Variants in RTN3 observed in about 807,000 individuals in gnomAD.
RTN3 encodes reticulon 3.
RTN3 carries 49 observed loss-of-function variants against 77.8 expected under a neutral mutation model. That is an observed-to-expected ratio of 0.63 (90% CI 0.50 to 0.80). RTN3 has a LOEUF of 0.80. RTN3 is among the 30% of genes least tolerant of loss of function. The pLI is 0.00. For synonymous variants in RTN3, 464 were observed against 446.9 expected, an observed-to-expected ratio of 1.04 and a Z score of -0.48; for missense variants, 1,236 against 1,211.9, an observed-to-expected ratio of 1.02 and a Z score of -0.29.
chr11:63,691,824 C>G (rs1214449424), intron 1 of RTN3, among the ~76,000 whole-genome samples: 1 of 152,180 alleles, frequency 6.6e-6, no homozygotes, highest in African/African-American at 2.4e-5. Context: ...TCTGGTCTCC[C>G]TGCTTTCTCC....
chr11:63,710,822 TGAA>T (rs1198780325), intron 2 of RTN3, among the ~76,000 whole-genome samples: 1 of 152,186 alleles, frequency 6.6e-6, no homozygotes, highest in African/African-American at 2.4e-5. Context: ...ATAAAGCCCA[TGAA>T]GAACTAGTAG....
intron 1 of RTN3, 80 bp downstream of exon 1, chr11:63,681,858 G>C (rs1590759965): frequency 1.5e-5 from 21 of 1,397,144 alleles, no homozygotes; most frequent in Non-Finnish European, 1.9e-5. Flanking sequence ...GAGGCGAGGC[G>C]GGAGGAGGAC....
chr11:63,689,116 A>T (rs912063263), intron 1 of RTN3, among the ~76,000 whole-genome samples: 1 of 152,200 alleles, frequency 6.6e-6, no homozygotes. Context: ...AAAGTATACA[A>T]ACTTGTGAAA....
intron 7 of RTN3, among the ~76,000 whole-genome samples, chr11:63,754,855 G>A (rs908352999): frequency 6.6e-6 from 1 of 150,962 alleles, no homozygotes; most frequent in Non-Finnish European, 1.5e-5. Context: ...ATGAACCTGG[G>A]AGGTGGAGCT....
chr11:63,695,244 T>C (rs963424200), intron 1 of RTN3, among the ~76,000 whole-genome samples: 10 of 152,240 alleles, frequency 6.6e-5, no homozygotes, highest in African/African-American at 1.9e-4. Flanking sequence ...ATAAATAAAT[T>C]GAATTTATTT....
chr11:63,689,114 C>T (rs1023742336), intron 1 of RTN3, among the ~76,000 whole-genome samples: 1 of 152,126 alleles, frequency 6.6e-6, no homozygotes, highest in Non-Finnish European at 1.5e-5. Context: ...CTAAAGTATA[C>T]AAACTTGTGA....
intron 1 of RTN3, among the ~76,000 whole-genome samples, chr11:63,700,099 A>T (rs1269069498): frequency 6.6e-6 from 1 of 152,146 alleles, no homozygotes; most frequent in African/African-American, 2.4e-5. Context: ...TGTTAGGTGA[A>T]GGTGAAAAGG....
chr11:63,716,810 AAAAATAAAATT>A (rs2011425039), intron 2 of RTN3, among the ~76,000 whole-genome samples: 3 of 152,062 alleles, frequency 2.0e-5, no homozygotes, highest in African/African-American at 7.2e-5. Flanking sequence ...CTAAAAATAC[AAAAATAAAATT>A]AGCCAGGCGT....
chr11:63,748,629 C>T (rs1191974469), intron 3 of RTN3, among the ~76,000 whole-genome samples: 5 of 140,010 alleles, frequency 3.6e-5, no homozygotes, highest in Admixed American at 7.5e-5. Context: ...AGATTACAGG[C>T]GTGAGCCCCT....
At chr11:63,689,277 T>G (rs1387723801) in intron 1 of RTN3, among the ~76,000 whole-genome samples, 1 of 152,234 alleles carries the variant, frequency 6.6e-6, no homozygotes, top group East Asian at 1.9e-4. Context: ...TTCTTATAAT[T>G]GACTTATTCA....
At chr11:63,742,276 G>A (rs2013531935) in intron 3 of RTN3, among the ~76,000 whole-genome samples, 1 of 151,284 alleles carries the variant, frequency 6.6e-6, no homozygotes, top group Non-Finnish European at 1.5e-5. Flanking sequence ...ACCGCGCCTT[G>A]CCTGGCTCTT....
At chr11:63,689,361 G>T (rs1012609908) in intron 1 of RTN3, among the ~76,000 whole-genome samples, 1 of 152,134 alleles carries the variant, frequency 6.6e-6, no homozygotes, top group African/African-American at 2.4e-5. Context: ...GAGTTATTTT[G>T]GATCATAGGG....
rs1225972679 is a variant in RTN3 at position 63,718,828 on chromosome 11, G to T, written c.326G>T (p.Gly109Val). 6.2e-7 allele frequency: 1 copy of T among 1,613,970 alleles called. No homozygotes were observed. The highest frequency in any genetic ancestry group is 8.5e-7 in the Non-Finnish European group (1 of 1,180,034). Reference protein sequence around the residue: ...ILHGEKSHVLGSQPILAKEGK... With the variant: ...ILHGEKSHVLVSQPILAKEGK... ...CATGGAGAAAAAAGCCATGTGTTAG[G>T]GAGCCAGCCTATTTTAGCCAAAGAA... The change falls in exon 3 of 9, where the codon GGG becomes GTG. Residue 109 changes from glycine (G) to valine (V), a missense_variant. Gly to Val is a moderately radical substitution (Grantham distance 109, BLOSUM62 -3). Coordinates refer to ENST00000377819, the MANE Select transcript of RTN3 (RefSeq NM_001265589.2).
intron 2 of RTN3, among the ~76,000 whole-genome samples, chr11:63,713,531 G>A (rs373869306): frequency 3.9e-5 from 6 of 152,086 alleles, no homozygotes; most frequent in Admixed American, 6.6e-5. Flanking sequence ...GGCTGGTCTC[G>A]AACTCCTGGG....
intron 8 of RTN3, 49 bp downstream of exon 8, chr11:63,756,219 C>G (rs758474214): frequency 1.3e-5 from 17 of 1,290,556 alleles, no homozygotes; most frequent in Middle Eastern, 1.8e-4. Context: ...TTCCTTCCCC[C>G]CAATTATCTT....
chr11:63,732,822 A>G (rs1402598120), intron 3 of RTN3, among the ~76,000 whole-genome samples: 6 of 152,194 alleles, frequency 3.9e-5, no homozygotes, highest in African/African-American at 1.4e-4. Context: ...GTCATATATA[A>G]TACATATGTA....
intron 3 of RTN3, among the ~76,000 whole-genome samples, chr11:63,723,535 T>A (rs971390741): frequency 2.6e-5 from 4 of 152,012 alleles, no homozygotes; most frequent in Non-Finnish European, 5.9e-5. Context: ...GCGACTCTCC[T>A]GCCTCAGCCT....
intron 3 of RTN3, among the ~76,000 whole-genome samples, chr11:63,735,066 G>T (rs541123983): frequency 2.0e-5 from 3 of 151,888 alleles, no homozygotes; most frequent in Admixed American, 1.3e-4. Context: ...TTTCTCTGTC[G>T]CCCAGGCTGG....
intron 1 of RTN3, 80 bp downstream of exon 1, chr11:63,681,858 G>A: frequency 7.2e-7 from 1 of 1,397,142 alleles, no homozygotes. Flanking sequence ...GAGGCGAGGC[G>A]GGAGGAGGAC....
Sources: gnomAD v4.1 joint callset for allele counts (sites outside exome capture counted in the v4.1 genomes callset) on GRCh38, gnomAD v4.1.1 for gene constraint, MANE v1.5 for transcripts, NCBI Gene and HGNC (gene_info 2026-07-23, HGNC 2026-07-21) for gene names.